Variants in RNF169 observed in about 807,000 individuals in gnomAD.
RNF169 encodes E3 ubiquitin-protein ligase RNF169.
RNF169 carries 24 observed loss-of-function variants against 53.9 expected under a neutral mutation model. The ratio of observed to expected loss-of-function variants is 0.45; its 90% CI spans 0.32 to 0.63. The LOEUF (loss-of-function observed/expected upper bound fraction) is 0.63, where lower values mean the gene tolerates loss of function less well. Among genes scored for constraint, RNF169 ranks in the 20% least tolerant of loss-of-function variants. The pLI, the probability that RNF169 is intolerant of heterozygous loss-of-function variation, is 0.04. For missense variants in RNF169, 883 were observed against 906.2 expected (o/e 0.97, Z 0.33); for synonymous variants, 396 against 363.5 (o/e 1.09, Z -1.02).
intron 2 of RNF169, among the ~76,000 whole-genome samples, chr11:74,792,256 T>TAC: frequency 6.6e-6 from 1 of 152,360 alleles, no homozygotes; most frequent in East Asian, 1.9e-4. Flanking sequence ...TTTCAGAATG[T>TAC]ACACATACAA....
At chr11:74,805,193 T>C (rs1011617667) in intron 2 of RNF169, among the ~76,000 whole-genome samples, 1 of 152,254 alleles carries the variant, frequency 6.6e-6, no homozygotes, top group Non-Finnish European at 1.5e-5. Context: ...GGTTATATCT[T>C]ATCCGTATAA....
chr11:74,807,388 T>G (rs2035820842), intron 2 of RNF169, among the ~76,000 whole-genome samples: 1 of 152,232 alleles, frequency 6.6e-6, no homozygotes, highest in Non-Finnish European at 1.5e-5. Context: ...TGCAGCACTT[T>G]ATATTGGCTC....
chr11:74,799,631 A>G (rs2035701746), intron 2 of RNF169, among the ~76,000 whole-genome samples: 1 of 152,148 alleles, frequency 6.6e-6, no homozygotes, highest in African/African-American at 2.4e-5. Flanking sequence ...ACTACTTGGA[A>G]GCCAAATTAA....
At chr11:74,771,265 A>G (rs575858271) in intron 1 of RNF169, among the ~76,000 whole-genome samples, 60 of 152,158 alleles carry the variant, frequency 3.9e-4, no homozygotes, top group Non-Finnish European at 7.8e-4. Context: ...GGCTCTGTCT[A>G]CTACCGATTG....
At chr11:74,775,323 CCT>C (rs2035317676) in intron 1 of RNF169, among the ~76,000 whole-genome samples, 1 of 152,090 alleles carries the variant, frequency 6.6e-6, no homozygotes, top group Admixed American at 6.6e-5. Context: ...TGTACTCCCT[CCT>C]CTCTATTTTT....
chr11:74,798,279 A>ATT (rs969382061), intron 2 of RNF169, among the ~76,000 whole-genome samples: 5 of 152,372 alleles, frequency 3.3e-5, no homozygotes, highest in African/African-American at 1.2e-4. Context: ...ATATCGCTGA[A>ATT]TTCTTTTTCT....
chr11:74,768,566 CA>C (rs1381508746), intron 1 of RNF169, among the ~76,000 whole-genome samples: 2 of 150,524 alleles, frequency 1.3e-5, no homozygotes, highest in African/African-American at 4.9e-5. Context: ...GAGATCACGC[CA>C]CTGCACTGCA....
chr11:74,782,841 T>C (rs1300279910), intron 1 of RNF169, among the ~76,000 whole-genome samples: 1 of 151,982 alleles, frequency 6.6e-6, no homozygotes, highest in Non-Finnish European at 1.5e-5. Flanking sequence ...TTTAATCTTG[T>C]CTATAGTTCT....
At chr11:74,785,254 G>GATATATATATGTTATATATATTAGAT (rs372269376) in intron 1 of RNF169, among the ~76,000 whole-genome samples, 2 of 135,708 alleles carry the variant, frequency 1.5e-5, no homozygotes, top group East Asian at 2.0e-4. Context: ...ATATATGTTA[G>GATATATATATGTTATATATATTAGAT]ATATATATGT....
chr11:74,827,233 C>T (rs1376153362), intron 4 of RNF169, among the ~76,000 whole-genome samples: 1 of 152,230 alleles, frequency 6.6e-6, no homozygotes, highest in Non-Finnish European at 1.5e-5. Context: ...AGGCTTGGGG[C>T]TCGTACTCTC....
intron 4 of RNF169, among the ~76,000 whole-genome samples, chr11:74,822,038 A>G (rs2036019675): frequency 6.6e-6 from 1 of 150,738 alleles, no homozygotes; most frequent in African/African-American, 2.5e-5. Context: ...TGAGAGAGAG[A>G]GAGAGGTGTG....
At chr11:74,784,720 G>A (rs1006653002) in intron 1 of RNF169, among the ~76,000 whole-genome samples, 2 of 152,200 alleles carry the variant, frequency 1.3e-5, no homozygotes, top group African/African-American at 4.8e-5. Flanking sequence ...TAATTATATT[G>A]TTTCTGTAGT....
intron 4 of RNF169, 29 bp from the exon 5 acceptor site, chr11:74,834,647 C>T: frequency 1.3e-6 from 2 of 1,555,450 alleles, no homozygotes; most frequent in Non-Finnish European, 1.8e-6. Context: ...CTAATTTTGA[C>T]TACTCGTTTT....
At chr11:74,753,073 A>T (rs1237420747) in intron 1 of RNF169, among the ~76,000 whole-genome samples, 2 of 152,150 alleles carry the variant, frequency 1.3e-5, no homozygotes, top group African/African-American at 4.8e-5. Context: ...GGTTCAAGCG[A>T]TTCTCCTGTC....
At chr11:74,768,958 A>C (rs2035217891) in intron 1 of RNF169, among the ~76,000 whole-genome samples, 1 of 152,034 alleles carries the variant, frequency 6.6e-6, no homozygotes, top group African/African-American at 2.4e-5. Context: ...GAGGTGGAAG[A>C]ATACTTTGAG....
intron 3 of RNF169, among the ~76,000 whole-genome samples, chr11:74,812,952 A>G (rs891287404): frequency 1.3e-5 from 2 of 152,148 alleles, no homozygotes; most frequent in African/African-American, 4.8e-5. Flanking sequence ...CTTTCCCCCA[A>G]ATACATACAC....
At chr11:74,800,480 C>T (rs369899284) in intron 2 of RNF169, among the ~76,000 whole-genome samples, 10 of 152,054 alleles carry the variant, frequency 6.6e-5, no homozygotes, top group Non-Finnish European at 1.0e-4. Flanking sequence ...TGAATTTGGG[C>T]GAGCTATTTG....
chr11:74,779,521 C>T (rs1173280387), intron 1 of RNF169, among the ~76,000 whole-genome samples: 2 of 152,048 alleles, frequency 1.3e-5, no homozygotes, highest in African/African-American at 2.4e-5. Flanking sequence ...TTAAGACAGT[C>T]GGTACTTGGC....
chr11:74,779,734 T>C (rs993241278), intron 1 of RNF169, among the ~76,000 whole-genome samples: 7 of 152,240 alleles, frequency 4.6e-5, no homozygotes, highest in African/African-American at 1.7e-4. Flanking sequence ...CCTGTATTTC[T>C]ACCTTACTAC....
Sources: gnomAD v4.1 joint callset for allele counts (sites outside exome capture counted in the v4.1 genomes callset) on GRCh38, gnomAD v4.1.1 for gene constraint, MANE v1.5 for transcripts, NCBI Gene and HGNC (gene_info 2026-07-23, HGNC 2026-07-21) for gene names.